Variants in MAPRE2 observed in about 807,000 individuals in gnomAD.
MAPRE2 encodes the protein microtubule associated protein RP/EB family member 2.
In MAPRE2, 13 loss-of-function variants were observed where a neutral mutation model predicts 43.2. The observed-to-expected ratio is 0.30, with a 90% CI of 0.20 to 0.48. MAPRE2 has a LOEUF of 0.48. MAPRE2 is among the 20% of genes least tolerant of loss of function. The pLI, the probability that MAPRE2 is intolerant of heterozygous loss-of-function variation, is 0.99. For missense variants in MAPRE2, 161 were observed against 400.2 expected, an observed-to-expected ratio of 0.40 and a Z score of 5.10; for synonymous variants, 135 against 148.8, an observed-to-expected ratio of 0.91 and a Z score of 0.68.
At chr18:35,004,211 A>T (rs1185596313) in intron 1 of MAPRE2, among the ~76,000 whole-genome samples, 1 of 152,220 alleles carries the variant, frequency 6.6e-6, no homozygotes, top group Non-Finnish European at 1.5e-5. Context: ...AATTAAAAAA[A>T]ATAATAATTC....
intron 2 of MAPRE2, among the ~76,000 whole-genome samples, chr18:35,025,320 CT>C (rs1568975347): frequency 6.6e-6 from 1 of 152,186 alleles, no homozygotes; most frequent in South Asian, 2.1e-4. Context: ...GCCAAAGAAA[CT>C]TTTTTTGGAG....
intron 4 of MAPRE2, among the ~76,000 whole-genome samples, chr18:35,119,001 T>C (rs1259988692): frequency 1.3e-5 from 2 of 152,184 alleles, no homozygotes; most frequent in Non-Finnish European, 2.9e-5. Flanking sequence ...AACTGGCATG[T>C]TCCCTGCAGG....
Position 35,062,743 on chromosome 18 carries a change from T to C in MAPRE2, c.123-7452T>C, listed in dbSNP as rs559230635. The stretch of plus-strand genomic sequence containing the variant: ...TAATTTCCAAGGAAGCATCGATATT[T>C]CTAACCATTACCTTAATAAACCACT... On this transcript the variant is annotated intron_variant, in intron 1 of 6. Transcript: ENST00000300249. Among the ~76,000 whole-genome samples the C allele has an allele frequency of 4.6e-5, 7 of 152,348 alleles. No individual in the cohort carries two copies. In the South Asian group the frequency reaches 1.4e-3, roughly 32 times the overall value.
intron 3 of MAPRE2, among the ~76,000 whole-genome samples, chr18:35,099,811 A>G (rs1021014343): frequency 2.6e-5 from 4 of 152,112 alleles, no homozygotes; most frequent in Admixed American, 2.6e-4. Flanking sequence ...TTTGCTTTGT[A>G]CTTGGTTTAG....
At chr18:35,096,766 T>G (rs1271535864) in intron 2 of MAPRE2, among the ~76,000 whole-genome samples, 1 of 151,896 alleles carries the variant, frequency 6.6e-6, no homozygotes, top group Non-Finnish European at 1.5e-5. Flanking sequence ...AGGTAATAAG[T>G]ATAAGTAATA....
chr18:35,103,301 A>C (rs1431349198), intron 4 of MAPRE2, among the ~76,000 whole-genome samples: 3 of 152,152 alleles, frequency 2.0e-5, no homozygotes, highest in Non-Finnish European at 4.4e-5. Flanking sequence ...AGTTGTTAGG[A>C]GGCAAAATAG....
intron 1 of MAPRE2, among the ~76,000 whole-genome samples, chr18:35,050,450 GC>G: frequency 6.6e-6 from 1 of 152,274 alleles, no homozygotes; most frequent in South Asian, 2.1e-4. Flanking sequence ...TTCACACATA[GC>G]AATCCATAGT....
intron 1 of MAPRE2, among the ~76,000 whole-genome samples, chr18:34,984,837 TTTATATG>T (rs1487154226): frequency 3.2e-5 from 4 of 125,876 alleles, no homozygotes; most frequent in Non-Finnish European, 6.3e-5. Flanking sequence ...TATATAATAT[TTTATATG>T]TTATATAACA....
chr18:34,981,874 TTTATTTTTA>T (rs1400976407), intron 1 of MAPRE2, among the ~76,000 whole-genome samples: 2 of 32,098 alleles, frequency 6.2e-5, no homozygotes, highest in African/African-American at 1.4e-4. Context: ...ATTTTTTTTT[TTTATTTTTA>T]TTTATTTTTT....
At chr18:35,075,193 G>T (rs1286630469) in intron 2 of MAPRE2, among the ~76,000 whole-genome samples, 2 of 152,192 alleles carry the variant, frequency 1.3e-5, no homozygotes, top group East Asian at 1.9e-4. Context: ...GTACACTCTG[G>T]CATTCACACA....
At chr18:35,131,973 G>A (rs1411981791) in intron 5 of MAPRE2, 59 bp from the exon 6 acceptor site, 1 of 1,527,482 alleles carries the variant, frequency 6.5e-7, no homozygotes, top group African/African-American at 1.4e-5. Flanking sequence ...AGGAATTGCT[G>A]GTCATGTCTT....
At chr18:35,015,052 A>G (rs535264834) in intron 2 of MAPRE2, among the ~76,000 whole-genome samples, 11 of 152,306 alleles carry the variant, frequency 7.2e-5, no homozygotes, top group Admixed American at 6.5e-4. Context: ...GCTGTCTCAC[A>G]GGCCAATGCC....
chr18:34,978,124 G>T, intron 1 of MAPRE2: 1 of 271,730 alleles, frequency 3.7e-6, no homozygotes, highest in East Asian at 1.3e-4. Flanking sequence ...TTAATATTAC[G>T]AACATTAGCC....
chr18:35,047,726 A>C (rs1345630968), intron 1 of MAPRE2, among the ~76,000 whole-genome samples: 1 of 151,890 alleles, frequency 6.6e-6, no homozygotes, highest in Non-Finnish European at 1.5e-5. Context: ...TAAAAAAAAA[A>C]AAAAAACACT....
At position 35,057,217 on chromosome 18, in the gene MAPRE2, G is replaced by A. The variant is rs191006122; in HGVS notation, c.123-12978G>A. On this transcript the variant is annotated intron_variant, in intron 1 of 6. Coordinates refer to ENST00000300249, the MANE Select transcript of MAPRE2 (RefSeq NM_014268.4). ...TTTAGTAGAGATGGGGTTTCTCCAC[G>A]TTGGCCAGGCTGGTCTCGAACTCCT... Among the ~76,000 whole-genome samples the A allele has an allele frequency of 3.1e-4, 47 of 152,116 alleles. 1 individual carries two copies. The highest frequency in any genetic ancestry group is 1.4e-3 in the Admixed American group (21 of 15,262).
intron 1 of MAPRE2, among the ~76,000 whole-genome samples, chr18:35,056,458 A>G (rs892302572): frequency 6.6e-6 from 1 of 152,200 alleles, no homozygotes; most frequent in South Asian, 2.1e-4. Context: ...TTCTTACTCA[A>G]TTGCTGAACT....
intron 5 of MAPRE2, among the ~76,000 whole-genome samples, chr18:35,128,603 A>T (rs1357301706): frequency 8.5e-5 from 13 of 152,246 alleles, no homozygotes; most frequent in Admixed American, 1.3e-4. Flanking sequence ...GGTTGTATGC[A>T]AATACGATGC....
chr18:34,999,161 AT>A (rs1162902738), intron 1 of MAPRE2, among the ~76,000 whole-genome samples: 1 of 152,078 alleles, frequency 6.6e-6, no homozygotes, highest in African/African-American at 2.4e-5. Flanking sequence ...ATTCTCCCAC[AT>A]TTCATTATTA....
intron 4 of MAPRE2, among the ~76,000 whole-genome samples, chr18:35,111,382 T>C (rs547793409): frequency 2.6e-4 from 39 of 152,346 alleles, no homozygotes; most frequent in Non-Finnish European, 4.1e-4. Flanking sequence ...AGTTTTTGTC[T>C]GCTAATTCCA....
Sources: allele counts gnomAD v4.1 joint callset (sites outside exome capture counted in the v4.1 genomes callset), GRCh38; gene constraint gnomAD v4.1.1; transcripts MANE v1.5; gene names NCBI Gene and HGNC (gene_info 2026-07-23, HGNC 2026-07-21).